Variants in IMMP2L observed in about 807,000 individuals in gnomAD.
IMMP2L encodes mitochondrial inner membrane protease subunit 2.
IMMP2L carries 18 observed loss-of-function variants against 19.3 expected under a neutral mutation model. The ratio of observed to expected loss-of-function variants is 0.93; its 90% confidence interval spans 0.64 to 1.38. The LOEUF (loss-of-function observed/expected upper bound fraction) is 1.38. Ranked by LOEUF, IMMP2L falls within the 40% of genes most tolerant of loss-of-function variation. IMMP2L has a pLI of 0.00. For synonymous variants in IMMP2L, 76 were observed against 73.0 expected, an observed-to-expected ratio of 1.04 and a Z score of -0.21; for missense variants, 233 against 218.2, an observed-to-expected ratio of 1.07 and a Z score of -0.43.
chr7:111,265,862 T>C (rs1335669480), intron 3 of IMMP2L, among the ~76,000 whole-genome samples: 1 of 152,100 alleles, frequency 6.6e-6, no homozygotes, highest in East Asian at 1.9e-4. Flanking sequence ...TTCAGGGAAA[T>C]TTAAAGGAAA....
At chr7:111,163,221 T>C (rs1586641981) in intron 3 of IMMP2L, among the ~76,000 whole-genome samples, 1 of 151,988 alleles carries the variant, frequency 6.6e-6, no homozygotes, top group South Asian at 2.1e-4. Context: ...TCTAATACCA[T>C]TGCCTCCTGT....
intron 3 of IMMP2L, among the ~76,000 whole-genome samples, chr7:111,052,771 T>C (rs1798612542): frequency 6.6e-6 from 1 of 152,132 alleles, no homozygotes; most frequent in Non-Finnish European, 1.5e-5. Context: ...TCAATAGTAA[T>C]ATCAATAGTA....
intron 3 of IMMP2L, among the ~76,000 whole-genome samples, chr7:111,474,612 G>C (rs568978327): frequency 6.6e-6 from 1 of 151,432 alleles, no homozygotes; most frequent in African/African-American, 2.4e-5. Flanking sequence ...CTTTCATTTA[G>C]AATCATTAAA....
chr7:110,853,325 A>G (rs1806434942), intron 5 of IMMP2L, among the ~76,000 whole-genome samples: 1 of 151,356 alleles, frequency 6.6e-6, no homozygotes, highest in Non-Finnish European at 1.5e-5. Context: ...GTTTTATCAG[A>G]AAAAAAAACC....
chr7:111,513,924 A>G (rs1350102028), intron 2 of IMMP2L, among the ~76,000 whole-genome samples: 2 of 152,068 alleles, frequency 1.3e-5, no homozygotes, highest in African/African-American at 2.4e-5. Flanking sequence ...AAATGAAATA[A>G]GCCAGGCACA....
At chr7:110,729,055 T>C (rs1381889013) in intron 5 of IMMP2L, among the ~76,000 whole-genome samples, 2 of 126,908 alleles carry the variant, frequency 1.6e-5, no homozygotes, top group African/African-American at 5.0e-5. Context: ...TGGCTAATTT[T>C]TGCATTTTTA....
At chr7:111,539,194 G>A (rs4999544) in intron 1 of IMMP2L, among the ~76,000 whole-genome samples, 42,172 of 59,322 alleles carry the variant, frequency 0.71, 14,490 homozygotes, top group South Asian at 0.74. Context: ...GAAGGAAGGA[G>A]GGAGAAAGAA....
chr7:111,279,613 C>T (rs932817227), intron 3 of IMMP2L, among the ~76,000 whole-genome samples: 10 of 152,092 alleles, frequency 6.6e-5, no homozygotes, highest in African/African-American at 2.4e-4. Flanking sequence ...GAAACTAAGG[C>T]AAGATTTCTC....
chr7:110,966,414 T>A (rs1819548795), intron 3 of IMMP2L, among the ~76,000 whole-genome samples: 1 of 152,038 alleles, frequency 6.6e-6, no homozygotes, highest in African/African-American at 2.4e-5. Flanking sequence ...AAGACCTGAA[T>A]TAATTATCAA....
chr7:110,813,733 A>C (rs575790520), intron 5 of IMMP2L, among the ~76,000 whole-genome samples: 1 of 124,926 alleles, frequency 8.0e-6, no homozygotes, highest in African/African-American at 3.0e-5. Context: ...AGAAATTCTA[A>C]GCAAACACAC....
At chr7:110,856,943 C>T (rs2131564528) in intron 5 of IMMP2L, among the ~76,000 whole-genome samples, 1 of 152,166 alleles carries the variant, frequency 6.6e-6, no homozygotes, top group South Asian at 2.1e-4. Context: ...ACCACTGTCT[C>T]TGTCAGACAT....
chr7:110,982,292 C>A (rs181104464), intron 3 of IMMP2L, among the ~76,000 whole-genome samples: 1 of 152,132 alleles, frequency 6.6e-6, no homozygotes, highest in African/African-American at 2.4e-5. Context: ...GGTCACATAT[C>A]CAAGTACACA....
intron 3 of IMMP2L, among the ~76,000 whole-genome samples, chr7:111,432,248 T>C (rs573390580): frequency 5.9e-5 from 9 of 151,736 alleles, no homozygotes; most frequent in African/African-American, 2.2e-4. Context: ...CCCACACATA[T>C]GGTCACAGCA....
chr7:111,359,750 T>A (rs1246893406), intron 3 of IMMP2L, among the ~76,000 whole-genome samples: 1 of 152,072 alleles, frequency 6.6e-6, no homozygotes. Flanking sequence ...TTTTTTAATC[T>A]CTTTGTTACA....
chr7:111,126,232 G>A lies in IMMP2L; in HGVS notation c.240-162667C>T, dbSNP rs558094242. On this transcript the variant is annotated intron_variant, in intron 3 of 5. Coordinates refer to ENST00000405709, the MANE Select transcript of IMMP2L (RefSeq NM_032549.4). ...AAAACAGTTAAGGAGCTTCACTGAAGTAACAAGCAAATAACTTAATAATTT... is the reference window on the plus strand; with the variant it reads ...AAAACAGTTAAGGAGCTTCACTGAAATAACAAGCAAATAACTTAATAATTT... 4.6e-5 allele frequency among the ~76,000 whole-genome samples: 7 copies of A among 152,108 alleles called. No individual in the cohort carries two copies. In the South Asian group the frequency reaches 1.2e-3, roughly 27 times the overall value.
At chr7:110,945,584 A>G (rs532364501) in intron 4 of IMMP2L, among the ~76,000 whole-genome samples, 3 of 152,094 alleles carry the variant, frequency 2.0e-5, no homozygotes, top group East Asian at 3.9e-4. Context: ...ACCAAAATGT[A>G]TGTACTGACA....
chr7:110,838,543 A>C (rs1804738651), intron 5 of IMMP2L, among the ~76,000 whole-genome samples: 1 of 151,866 alleles, frequency 6.6e-6, no homozygotes, highest in African/African-American at 2.4e-5. Context: ...TTAATGGATT[A>C]ATGGCATATC....
chr7:111,552,043 C>T (rs371530106), intron 1 of IMMP2L, among the ~76,000 whole-genome samples: 6 of 152,024 alleles, frequency 3.9e-5, no homozygotes, highest in African/African-American at 9.7e-5. Context: ...AGCCACTGCT[C>T]GTTTATAATT....
chr7:111,429,116 C>A (rs958437559), intron 3 of IMMP2L, among the ~76,000 whole-genome samples: 2 of 151,632 alleles, frequency 1.3e-5, no homozygotes, highest in Non-Finnish European at 2.9e-5. Flanking sequence ...ATCCTTTTTT[C>A]TTCTTTCATT....
Sources: gnomAD v4.1 joint callset for allele counts (sites outside exome capture counted in the v4.1 genomes callset) on GRCh38, gnomAD v4.1.1 for gene constraint, MANE v1.5 for transcripts, NCBI Gene and HGNC (gene_info 2026-07-23, HGNC 2026-07-21) for gene names.